The following PTPRT variants were observed in gnomAD, a reference collection of about 807,000 sequenced individuals.
PTPRT encodes the protein receptor-type tyrosine-protein phosphatase T.
In PTPRT, 56 loss-of-function variants were observed where a neutral mutation model predicts 176.8. The observed-to-expected ratio is 0.32, with a 90% confidence interval of 0.26 to 0.40. PTPRT has a LOEUF of 0.40. Ranked by LOEUF, PTPRT falls within the 10% of genes least tolerant of loss-of-function variation. The probability of loss-of-function intolerance (pLI) is 1.00; values close to 1 mark genes in which losing one functional copy is unlikely to be tolerated. For missense variants in PTPRT, 1,540 were observed against 1,908.2 expected (o/e 0.81, Z 3.60); for synonymous variants, 783 against 739.0 (o/e 1.06, Z -0.96).
intron 1 of PTPRT, among the ~76,000 whole-genome samples, chr20:42,943,382 CG>C (rs1472576323): frequency 6.6e-6 from 1 of 152,146 alleles, no homozygotes; most frequent in Non-Finnish European, 1.5e-5. Flanking sequence ...GCAGAGCCTT[CG>C]GGTCAGAAGC....
At chr20:42,755,361 C>T (rs1192029536) in intron 6 of PTPRT, among the ~76,000 whole-genome samples, 1 of 152,276 alleles carries the variant, frequency 6.6e-6, no homozygotes, top group East Asian at 1.9e-4. Flanking sequence ...ACTTAGGAGG[C>T]CTCAAAGGCT....
At chr20:42,341,384 C>A (rs1399026054) in intron 11 of PTPRT, among the ~76,000 whole-genome samples, 1 of 152,090 alleles carries the variant, frequency 6.6e-6, no homozygotes, top group Non-Finnish European at 1.5e-5. Context: ...TTCTTTTCTA[C>A]TACAAGAGCT....
chr20:42,860,646 T>A (rs992471447), intron 2 of PTPRT, among the ~76,000 whole-genome samples: 1 of 152,200 alleles, frequency 6.6e-6, no homozygotes, highest in African/African-American at 2.4e-5. Flanking sequence ...ACAGAATGAA[T>A]CCTTTTATAT....
chr20:42,519,063 G>A (rs537893695), intron 7 of PTPRT, among the ~76,000 whole-genome samples: 1 of 152,126 alleles, frequency 6.6e-6, no homozygotes, highest in South Asian at 2.1e-4. Flanking sequence ...ATACAGTCAA[G>A]ACACAGAACA....
At chr20:42,596,178 G>T (rs2073667828) in intron 7 of PTPRT, among the ~76,000 whole-genome samples, 1 of 152,128 alleles carries the variant, frequency 6.6e-6, no homozygotes, top group Admixed American at 6.6e-5. Flanking sequence ...TCAAGGAGAA[G>T]CTTCCTTGGT....
At chr20:42,941,625 T>G (rs532081117) in intron 1 of PTPRT, among the ~76,000 whole-genome samples, 2 of 152,196 alleles carry the variant, frequency 1.3e-5, no homozygotes, top group Non-Finnish European at 1.5e-5. Flanking sequence ...TACATGTTTG[T>G]ACCCTCCCGT....
At chr20:42,696,507 G>A (rs1290401384) in intron 6 of PTPRT, among the ~76,000 whole-genome samples, 8 of 150,518 alleles carry the variant, frequency 5.3e-5, no homozygotes, top group Non-Finnish European at 7.4e-5. Context: ...CCAGGCTGGA[G>A]TGCAGTGGCA....
Position 42,082,006 on chromosome 20 carries a change from C to A in PTPRT, c.4148G>T (p.Gly1383Val). 1.2e-6 allele frequency: 2 copies of A among 1,614,190 alleles called. No individual in the cohort carries two copies. Among genetic ancestry groups the A allele is most frequent in the Non-Finnish European group, 1.7e-6 (2 of 1,180,050 alleles). Residue 1383 changes from glycine (G) to valine (V), a missense_variant, in exon 30 of 31, where the codon GGC (glycine) becomes GTC (valine). Physicochemically the swap from Gly to Val is moderately radical, Grantham distance 109. Coordinates refer to ENST00000373187, the MANE Select transcript of PTPRT (RefSeq NM_007050.6). ...RTVVHCLNGG[G>V]RSGTFCAICS... ...GATGGCACAGAAGGTTCCACTACGG[C>A]CTCCCCCATTTCTAAACACAGAGCA...
chr20:42,817,611 C>A (rs2077811901), intron 2 of PTPRT, among the ~76,000 whole-genome samples: 1 of 152,144 alleles, frequency 6.6e-6, no homozygotes, highest in Non-Finnish European at 1.5e-5. Flanking sequence ...AATCTCTAAT[C>A]CATTGTTGCG....
intron 6 of PTPRT, among the ~76,000 whole-genome samples, chr20:42,689,673 T>A (rs575771407): frequency 6.6e-6 from 1 of 152,220 alleles, no homozygotes; most frequent in South Asian, 2.1e-4. Context: ...AAGTTAAGGA[T>A]CTTGAGTAGG....
chr20:42,107,499 T>G (rs1986575373), intron 23 of PTPRT, among the ~76,000 whole-genome samples: 3 of 152,202 alleles, frequency 2.0e-5, no homozygotes, highest in Admixed American at 2.0e-4. Context: ...CATACTTACT[T>G]GATTTCTGGT....
intron 1 of PTPRT, among the ~76,000 whole-genome samples, chr20:43,040,620 A>G (rs188939678): frequency 2.1e-4 from 32 of 152,280 alleles, no homozygotes; most frequent in African/African-American, 7.5e-4. Context: ...TGGTCCTGAA[A>G]GATGGGAATA....
At chr20:42,354,747 T>C (rs1020564116) in intron 9 of PTPRT, among the ~76,000 whole-genome samples, 2 of 152,166 alleles carry the variant, frequency 1.3e-5, no homozygotes, top group South Asian at 2.1e-4. Context: ...CACACCAACT[T>C]CCCTTCAAAA....
At chr20:42,401,557 T>G (rs1008528304) in intron 9 of PTPRT, among the ~76,000 whole-genome samples, 2 of 152,056 alleles carry the variant, frequency 1.3e-5, no homozygotes, top group Non-Finnish European at 2.9e-5. Context: ...AAGGCAGCCA[T>G]AGAGCACTGA....
chr20:43,033,188 T>C (rs1600662722), intron 1 of PTPRT, among the ~76,000 whole-genome samples: 1 of 152,180 alleles, frequency 6.6e-6, no homozygotes, highest in Non-Finnish European at 1.5e-5. Flanking sequence ...TTTGGGGACC[T>C]AAAGAACAAG....
chr20:43,060,414 A>G (rs866988972), intron 1 of PTPRT, among the ~76,000 whole-genome samples: 27 of 152,092 alleles, frequency 1.8e-4, no homozygotes, highest in African/African-American at 6.5e-4. Flanking sequence ...GATTTATAAG[A>G]GCTTTCTTTC....
At chr20:42,891,903 G>A (rs1293044838) in intron 1 of PTPRT, among the ~76,000 whole-genome samples, 1 of 152,214 alleles carries the variant, frequency 6.6e-6, no homozygotes, top group South Asian at 2.1e-4. Context: ...AGACTAGACA[G>A]TAAATATTTT....
intron 6 of PTPRT, among the ~76,000 whole-genome samples, chr20:42,705,719 T>C (rs1156699558): frequency 6.6e-6 from 1 of 152,132 alleles, no homozygotes; most frequent in Non-Finnish European, 1.5e-5. Flanking sequence ...TTTAATGCAG[T>C]CCTCATGGCA....
intron 11 of PTPRT, among the ~76,000 whole-genome samples, chr20:42,319,130 T>C (rs972961594): frequency 2.0e-5 from 3 of 152,124 alleles, no homozygotes; most frequent in Non-Finnish European, 4.4e-5. Flanking sequence ...AAGATCCACT[T>C]GTCAATTCAA....
Sources: gnomAD v4.1 joint callset for allele counts (sites outside exome capture counted in the v4.1 genomes callset) on GRCh38, gnomAD v4.1.1 for gene constraint, MANE v1.5 for transcripts, NCBI Gene and HGNC (gene_info 2026-07-23, HGNC 2026-07-21) for gene names.